Variants in CCDC30 observed in about 807,000 individuals in gnomAD.
The protein encoded by CCDC30 is coiled-coil domain-containing protein 30.
In CCDC30, 70 loss-of-function variants were observed where a neutral mutation model predicts 100.2. The ratio of observed to expected loss-of-function variants is 0.70; its 90% confidence interval spans 0.58 to 0.85. The LOEUF (loss-of-function observed/expected upper bound fraction) is 0.85, where lower values mean the gene tolerates loss of function less well. CCDC30 is among the 40% of genes least tolerant of loss of function. The probability of loss-of-function intolerance (pLI) is 0.00; values close to 1 mark genes in which losing one functional copy is unlikely to be tolerated. For missense variants in CCDC30, 652 were observed against 771.2 expected, an observed-to-expected ratio of 0.85 and a Z score of 1.83; for synonymous variants, 233 against 269.5, an observed-to-expected ratio of 0.86 and a Z score of 1.33.
intron 4 of CCDC30, chr1:42,492,533 A>G (rs903191240): frequency 1.3e-5 from 2 of 153,114 alleles, no homozygotes; most frequent in African/African-American, 4.8e-5. Context: ...ATCCTGGGCC[A>G]TAAAGCAAAT....
At chr1:42,534,266 G>A (rs899688726) in intron 6 of CCDC30, among the ~76,000 whole-genome samples, 30 of 151,888 alleles carry the variant, frequency 2.0e-4, no homozygotes, top group Admixed American at 3.9e-4. Context: ...CTTCTACTTT[G>A]TACTGAAGCA....
At chr1:42,478,067 T>TC (rs915864399) in intron 1 of CCDC30, among the ~76,000 whole-genome samples, 2 of 152,216 alleles carry the variant, frequency 1.3e-5, no homozygotes, top group African/African-American at 2.4e-5. Flanking sequence ...TGCTTGATGT[T>TC]CCTGGACTAT....
At chr1:42,488,726 G>A (rs1312034936) in intron 3 of CCDC30, among the ~76,000 whole-genome samples, 1 of 152,186 alleles carries the variant, frequency 6.6e-6, no homozygotes, top group Non-Finnish European at 1.5e-5. Context: ...TTCACTATGT[G>A]TGCTATTCCA....
At chr1:42,460,160 TG>T, upstream of CCDC30, 1 of 1,249,290 alleles carries the variant, frequency 8.0e-7, no homozygotes, top group Non-Finnish European at 1.0e-6. Context: ...AAGAGCTTAT[TG>T]GGAATTATAT....
chr1:42,620,114 A>G (rs1646802548), intron 11 of CCDC30, among the ~76,000 whole-genome samples: 2 of 152,172 alleles, frequency 1.3e-5, no homozygotes, highest in African/African-American at 2.4e-5. Context: ...GTATGATGGG[A>G]AGATCATAGG....
intron 11 of CCDC30, among the ~76,000 whole-genome samples, chr1:42,629,758 A>G (rs1368320788): frequency 1.3e-5 from 2 of 151,436 alleles, no homozygotes; most frequent in Non-Finnish European, 2.9e-5. Flanking sequence ...CAGCCTCCCA[A>G]GTGTGTGCCA....
intron 8 of CCDC30, among the ~76,000 whole-genome samples, chr1:42,579,270 G>A (rs1298004762): frequency 2.0e-5 from 3 of 151,790 alleles, no homozygotes; most frequent in Admixed American, 6.6e-5. Context: ...GATTACAGGC[G>A]TGAGCCGCCC....
At chr1:42,544,274 AG>A (rs1260657903) in intron 6 of CCDC30, among the ~76,000 whole-genome samples, 1 of 152,218 alleles carries the variant, frequency 6.6e-6, no homozygotes, top group African/African-American at 2.4e-5. Flanking sequence ...ATGAAGATAT[AG>A]AGTAACCTTT....
chr1:42,543,649 G>A (rs758155687), intron 6 of CCDC30, among the ~76,000 whole-genome samples: 6 of 152,106 alleles, frequency 3.9e-5, no homozygotes, highest in Non-Finnish European at 5.9e-5. Flanking sequence ...TCAGTTCTAT[G>A]TCAGTGCCTT....
At chr1:42,554,203 C>G (rs1645318848) in intron 6 of CCDC30, among the ~76,000 whole-genome samples, 1 of 149,788 alleles carries the variant, frequency 6.7e-6, no homozygotes, top group Admixed American at 6.6e-5. Context: ...CTTTTTTCTT[C>G]TTATGGATTA....
chr1:42,575,734 A>G (rs1342647601), intron 7 of CCDC30, among the ~76,000 whole-genome samples: 2 of 152,032 alleles, frequency 1.3e-5, no homozygotes, highest in African/African-American at 4.8e-5. Context: ...AAACAGGTAT[A>G]TAAATGCATA....
At chr1:42,485,871 C>T (rs992371019) in intron 3 of CCDC30, among the ~76,000 whole-genome samples, 1 of 151,954 alleles carries the variant, frequency 6.6e-6, no homozygotes, top group African/African-American at 2.4e-5. Flanking sequence ...TATTATTTGT[C>T]GATTAAGAAG....
intron 15 of CCDC30, among the ~76,000 whole-genome samples, chr1:42,649,039 G>A (rs556234048): frequency 6.6e-6 from 1 of 152,164 alleles, no homozygotes; most frequent in African/African-American, 2.4e-5. Flanking sequence ...TGAATCATAT[G>A]ATCAAAGCCA....
At chr1:42,564,214 T>A (rs1480890346) in intron 6 of CCDC30, among the ~76,000 whole-genome samples, 1 of 152,216 alleles carries the variant, frequency 6.6e-6, no homozygotes, top group East Asian at 1.9e-4. Flanking sequence ...GTGCCTACCT[T>A]TGTAGAAAAT....
At chr1:42,646,244 A>G (rs772185447) in exon 15 of CCDC30, 1 of 1,553,826 alleles carries the variant, frequency 6.4e-7, no homozygotes, top group South Asian at 1.2e-5. Flanking sequence ...TTCACCAGCA[A>G]CAATGCAGAA....
At chr1:42,523,043 T>G (rs1644671964) in intron 6 of CCDC30, among the ~76,000 whole-genome samples, 1 of 152,096 alleles carries the variant, frequency 6.6e-6, no homozygotes, top group Admixed American at 6.6e-5. Context: ...TTGGCTAGGC[T>G]GGTCACAAAC....
intron 6 of CCDC30, among the ~76,000 whole-genome samples, chr1:42,551,046 A>C (rs930303517): frequency 6.6e-6 from 1 of 152,154 alleles, no homozygotes; most frequent in Non-Finnish European, 1.5e-5. Context: ...ATATGTATAC[A>C]TGTGCCATGT....
In CCDC30 at chr1:42,485,658, AG is replaced by A. The variant is rs200432441; in HGVS notation, c.169+2843del. ...AGCAAGACCCTGTCTCAAAGAAAAA[AG>A]ATGGGCAAAGGATTTGAAAAGACAT... On this transcript the variant is annotated intron_variant, in intron 3 of 16. Coordinates refer to ENST00000668663, the Ensembl canonical transcript of CCDC30. Among the ~76,000 whole-genome samples the A allele has an allele frequency of 5.8e-3, 888 of 152,232 alleles. 8 individuals are homozygous for A. The highest frequency in any genetic ancestry group is 0.02 in the African/African-American group (820 of 41,544).
chr1:42,482,883 G>T, intron 3 of CCDC30, 67 bp downstream of exon 3: 8 of 977,332 alleles, frequency 8.2e-6, no homozygotes, highest in Non-Finnish European at 7.9e-6. Flanking sequence ...TCTCAGGGTG[G>T]AACATGAGAA....
Sources: gnomAD v4.1 joint callset for allele counts (sites outside exome capture counted in the v4.1 genomes callset) on GRCh38, gnomAD v4.1.1 for gene constraint, MANE v1.5 for transcripts, NCBI Gene and HGNC (gene_info 2026-07-23, HGNC 2026-07-21) for gene names.